The following RAPGEF2 variants were observed in gnomAD, a reference collection of about 807,000 sequenced individuals.
RAPGEF2 encodes PDZ domain containing guanine nucleotide exchange factor (GEF) 1.
In RAPGEF2, 54 loss-of-function variants were observed where a neutral mutation model predicts 186.7. That is an observed-to-expected ratio of 0.29 (90% CI 0.23 to 0.36). The LOEUF (loss-of-function observed/expected upper bound fraction) is 0.36. Among genes scored for constraint, RAPGEF2 ranks in the 10% least tolerant of loss-of-function variants. The pLI, the probability that RAPGEF2 is intolerant of heterozygous loss-of-function variation, is 1.00. For missense variants in RAPGEF2, 1,532 were observed against 2,045.0 expected (o/e 0.75, Z 4.84); for synonymous variants, 712 against 705.9 (o/e 1.01, Z -0.14).
intron 1 of RAPGEF2, among the ~76,000 whole-genome samples, chr4:159,107,669 A>G (rs1456935634): frequency 6.6e-6 from 1 of 152,066 alleles, no homozygotes; most frequent in African/African-American, 2.4e-5. Flanking sequence ...GATGTGTTAT[A>G]AAGAATACAG....
At chr4:159,323,670 A>G (rs1181854060) in intron 11 of RAPGEF2, 53 bp downstream of exon 11, 18 of 1,098,872 alleles carry the variant, frequency 1.6e-5, no homozygotes, top group Non-Finnish European at 2.0e-5. Context: ...AAGAACACTT[A>G]TATGCCATTG....
chr4:159,338,290 C>G (rs116292425), intron 17 of RAPGEF2, 21 bp from the exon 18 acceptor site: 42,199 of 1,588,104 alleles, frequency 0.027, 681 homozygotes, highest in Non-Finnish European at 0.033. Flanking sequence ...TGATAATTTT[C>G]TAATTTTCCT....
At chr4:159,219,729 T>G (rs978623369) in intron 4 of RAPGEF2, among the ~76,000 whole-genome samples, 17 of 152,178 alleles carry the variant, frequency 1.1e-4, no homozygotes, top group Non-Finnish European at 4.4e-5. Flanking sequence ...AGAACTGATT[T>G]CTAAAATCAG....
chr4:159,139,206 A>G (rs928847335), intron 1 of RAPGEF2, among the ~76,000 whole-genome samples: 1 of 152,200 alleles, frequency 6.6e-6, no homozygotes, highest in Non-Finnish European at 1.5e-5. Context: ...GGGAACTCAC[A>G]GTCCAGTGAA....
At position 159,340,712 on chromosome 4, in the gene RAPGEF2, T is replaced by C. The variant is rs547758476; in HGVS notation, c.2535-852T>C. On this transcript the variant is annotated intron_variant, in intron 19 of 29. Transcript: ENST00000691494. ...ACACACACACACACACACACATTTA[T>C]GGAATTTTCACAGAGAAAGCATGTG... Among the ~76,000 whole-genome samples, 243 of 98,562 alleles carry C rather than the reference T, an allele frequency of 2.5e-3. 18 individuals are homozygous for C. The highest frequency in any genetic ancestry group is 4.4e-3 in the Non-Finnish European group (195 of 44,824). 64.7% of individuals were successfully genotyped at this position (98,562 alleles called of 152,430 possible).
Position 159,222,176 on chromosome 4 carries a change from T to TAG in RAPGEF2, c.281+11604_281+11605dup, listed in dbSNP as rs1043346402. On this transcript the variant is annotated intron_variant, in intron 4 of 29. Coordinates refer to ENST00000691494, the MANE Select transcript of RAPGEF2 (RefSeq NM_001394067.2). Reference sequence around the variant, plus strand: ...TGATGCACAGAGCAAAGCTGTTCTCTAGAGAGAGAGAGGGTTCAATTGCTG... The same window carrying TAG: ...TGATGCACAGAGCAAAGCTGTTCTCTAGAGAGAGAGAGAGGGTTCAATTGCTG... Among the ~76,000 whole-genome samples the TAG allele has an allele frequency of 2.9e-3, 441 of 152,126 alleles. 8 individuals carry two copies. The highest frequency in any genetic ancestry group is 0.027 in the Admixed American group (415 of 15,270).
In RAPGEF2 at chr4:159,220,432, ACTTAG is replaced by A. The variant is rs764380187; in HGVS notation, c.281+9850_281+9854del. Among the ~76,000 whole-genome samples the A allele has an allele frequency of 5.7e-4, 87 of 152,090 alleles. 1 individual carries two copies. The highest frequency in any genetic ancestry group is 8.1e-4 in the Non-Finnish European group (55 of 68,018). On this transcript the variant is annotated intron_variant, in intron 4 of 29. Transcript: ENST00000691494. The stretch of plus-strand genomic sequence containing the variant: ...AAAAGCACTTCATGCTCTTTTATAA[ACTTAG>A]GATGAGAGATGTAGGTCAGTTGGTA...
rs914280645 is a variant in RAPGEF2, at chr4:159,359,865, A to G, written c.*1726A>G. The stretch of plus-strand genomic sequence containing the variant: ...CTCTACCACAAGTTGCACAAATGTT[A>G]TCTAAGCATTAAGTAATTGTAGAAC... On this transcript the variant is annotated 3_prime_UTR_variant, in exon 30 of 30. Coordinates refer to ENST00000691494, the MANE Select transcript of RAPGEF2 (RefSeq NM_001394067.2). 1 of 152,236 alleles carries G rather than the reference A, an allele frequency of 6.6e-6. No individual in the cohort carries two copies. The highest frequency in any genetic ancestry group is 2.4e-5 in the African/African-American group (1 of 41,468). 9.4% of individuals were successfully genotyped at this position (152,236 alleles called of 1,614,324 possible).
At position 159,353,819 on chromosome 4, in the gene RAPGEF2, G is replaced by C; in HGVS notation, c.4424G>C (p.Arg1475Thr). Residue 1475 changes from arginine to threonine, a missense_variant, in exon 28 of 30, where the codon AGA (arginine) becomes ACA (threonine). Transcript: ENST00000691494. The surrounding 1 kb of genome is among the most constrained non-coding windows in gnomAD (Gnocchi z 4.3). ...STKYNRQNQS[R>T]ESLEQAQSRA... ...AAGTATAACAGGCAAAATCAAAGTA[G>C]AGAGAGCCTTGAACAAGCCCAGTCC... 1 of 1,614,176 alleles carries C rather than the reference G, an allele frequency of 6.2e-7. No individual in the cohort carries two copies. Among genetic ancestry groups the C allele is most frequent in the South Asian group, 1.1e-5 (1 of 91,080 alleles).
chr4:159,259,127 C>T (rs1222382273), intron 7 of RAPGEF2, among the ~76,000 whole-genome samples: 1 of 152,146 alleles, frequency 6.6e-6, no homozygotes, highest in Non-Finnish European at 1.5e-5. Context: ...CATGGTCACT[C>T]AGGTAGTAAA....
intron 1 of RAPGEF2, among the ~76,000 whole-genome samples, chr4:159,177,111 A>G (rs1157336228): frequency 6.6e-6 from 1 of 152,176 alleles, no homozygotes; most frequent in East Asian, 1.9e-4. Flanking sequence ...AGATGTGATA[A>G]AATATATGTC....
chr4:159,292,395 C>T (rs556642663), intron 7 of RAPGEF2, among the ~76,000 whole-genome samples: 172 of 152,286 alleles, frequency 1.1e-3, no homozygotes, highest in African/African-American at 3.8e-3. Context: ...ATATCTTGTA[C>T]TCAGATGTTA....
intron 11 of RAPGEF2, among the ~76,000 whole-genome samples, chr4:159,325,521 C>T (rs564171247): frequency 2.7e-4 from 41 of 152,214 alleles, no homozygotes; most frequent in African/African-American, 8.4e-4. Context: ...CTCAGTTCTT[C>T]CCTGAACCCT....
At chr4:159,326,585 T>C (rs1765955692) in intron 11 of RAPGEF2, 2 of 152,234 alleles carry the variant, frequency 1.3e-5, no homozygotes, top group African/African-American at 4.8e-5. Context: ...GTCAAGCTCT[T>C]GTTTTGCTCT....
chr4:159,330,938 A>C (rs1766603755), intron 13 of RAPGEF2, among the ~76,000 whole-genome samples: 2 of 152,292 alleles, frequency 1.3e-5, no homozygotes, highest in Admixed American at 1.3e-4. Context: ...AATTCTAAGG[A>C]GACCATCTAG....
intron 9 of RAPGEF2, among the ~76,000 whole-genome samples, chr4:159,316,716 A>G (rs758053462): frequency 6.6e-6 from 1 of 152,140 alleles, no homozygotes; most frequent in African/African-American, 2.4e-5. Context: ...CCATTCTATC[A>G]TTGATGGGAA....
chr4:159,188,955 TTTAAG>T (rs1747835215), intron 2 of RAPGEF2, among the ~76,000 whole-genome samples: 1 of 152,222 alleles, frequency 6.6e-6, no homozygotes, highest in Non-Finnish European at 1.5e-5. Context: ...CTTAAACTAA[TTTAAG>T]TTCTTTTTTA....
At chr4:159,176,685 A>C (rs1327764089) in intron 1 of RAPGEF2, among the ~76,000 whole-genome samples, 1 of 152,180 alleles carries the variant, frequency 6.6e-6, no homozygotes, top group Non-Finnish European at 1.5e-5. Context: ...TGCTAAATTA[A>C]ATTAGGTCTT....
chr4:159,310,894 TAA>T (rs1763873441), intron 8 of RAPGEF2, among the ~76,000 whole-genome samples: 1 of 152,158 alleles, frequency 6.6e-6, no homozygotes. Context: ...TAGAAAACAA[TAA>T]GTGTTATGTT....
Sources: gnomAD v4.1 joint callset for allele counts (sites outside exome capture counted in the v4.1 genomes callset) on GRCh38, gnomAD v4.1.1 for gene constraint, Gnocchi (gnomAD v3.1) non-coding constraint, MANE v1.5 for transcripts, NCBI Gene and HGNC (gene_info 2026-07-23, HGNC 2026-07-21) for gene names.